Variants in FAM110B observed in about 807,000 individuals in gnomAD.
FAM110B encodes the protein protein FAM110B.
A neutral mutation model predicts 20.4 loss-of-function variants in FAM110B; 6 were observed. That is an observed-to-expected ratio of 0.29 (90% confidence interval 0.16 to 0.58). The LOEUF (loss-of-function observed/expected upper bound fraction) is 0.58. Among genes scored for constraint, FAM110B ranks in the 20% least tolerant of loss-of-function variants. The pLI is 0.90. For synonymous variants in FAM110B, 226 were observed against 214.1 expected (o/e 1.06, Z -0.49); for missense variants, 434 against 498.2 (o/e 0.87, Z 1.23).
intron 3 of FAM110B, among the ~76,000 whole-genome samples, chr8:58,095,172 G>T (rs748034484): frequency 3.3e-5 from 5 of 151,954 alleles, no homozygotes; most frequent in Non-Finnish European, 7.4e-5. Flanking sequence ...TATCTATTTT[G>T]TTGATCTTTC....
chr8:58,080,784 A>T (rs1806169236), intron 3 of FAM110B, among the ~76,000 whole-genome samples: 1 of 152,204 alleles, frequency 6.6e-6, no homozygotes, highest in Non-Finnish European at 1.5e-5. Context: ...AATTCCTCCT[A>T]TTCACCAGGG....
chr8:58,078,875 C>T (rs573676156), intron 3 of FAM110B, among the ~76,000 whole-genome samples: 99 of 152,092 alleles, frequency 6.5e-4, no homozygotes, highest in African/African-American at 2.3e-3. Context: ...TAATATGGTG[C>T]GTGCTAGATA....
chr8:58,009,556 A>C (rs1267002615), intron 1 of FAM110B, among the ~76,000 whole-genome samples: 1 of 152,254 alleles, frequency 6.6e-6, no homozygotes, highest in Non-Finnish European at 1.5e-5. Context: ...TTGAAAGGGT[A>C]ATATTTTGGA....
chr8:58,055,312 T>C (rs2150582702), intron 2 of FAM110B, among the ~76,000 whole-genome samples: 1 of 152,342 alleles, frequency 6.6e-6, no homozygotes, highest in East Asian at 1.9e-4. Flanking sequence ...GACCAGCAGA[T>C]GTGCAGTGCT....
rs1278530076 is a variant in FAM110B, at chr8:58,146,664, C to A, written c.434C>A (p.Pro145Gln). 7 of 1,612,728 alleles carry A rather than the reference C, an allele frequency of 4.3e-6. No homozygotes were observed. Among genetic ancestry groups the A allele is most frequent in the Non-Finnish European group, 5.9e-6 (7 of 1,179,486 alleles). ...CACAAGCACAGCTCCCGCAACTGGC[C>A]GCCCCACCGGTCGGAAGCCACTGAC... The part of the protein sequence containing the change: ...SGHKHSSRNW[P>Q]PHRSEATDLH... Residue 145 changes from proline to glutamine, a missense_variant, in exon 4 of 4, where the codon CCG becomes CAG. Pro to Gln is a moderately conservative substitution (Grantham distance 76). Transcript: ENST00000519262.
chr8:58,017,586 T>G, intron 1 of FAM110B, among the ~76,000 whole-genome samples: 1 of 152,182 alleles, frequency 6.6e-6, no homozygotes, highest in South Asian at 2.1e-4. Context: ...CTTTTCTGTA[T>G]GTGCTGAGGG....
At chr8:58,013,075 G>T (rs527820736) in intron 1 of FAM110B, among the ~76,000 whole-genome samples, 3 of 152,166 alleles carry the variant, frequency 2.0e-5, no homozygotes, top group Non-Finnish European at 4.4e-5. Context: ...CCTGGGAGGG[G>T]CTGTGGAAGG....
At chr8:58,057,441 G>A (rs1443882804) in intron 2 of FAM110B, among the ~76,000 whole-genome samples, 2 of 152,182 alleles carry the variant, frequency 1.3e-5, no homozygotes, top group Non-Finnish European at 2.9e-5. Flanking sequence ...TGGGAAATTA[G>A]ACTGTAATTT....
intron 1 of FAM110B, among the ~76,000 whole-genome samples, chr8:58,010,648 A>G (rs1054663801): frequency 1.3e-5 from 2 of 152,090 alleles, no homozygotes; most frequent in Non-Finnish European, 2.9e-5. Context: ...CTTAAATGAA[A>G]CCATAGTCCC....
intron 2 of FAM110B, among the ~76,000 whole-genome samples, chr8:58,052,763 T>G (rs1805472320): frequency 7.6e-6 from 1 of 132,348 alleles, no homozygotes; most frequent in African/African-American, 2.8e-5. Context: ...GTGGTGAGAG[T>G]GATGGACTCT....
At chr8:57,998,046 T>C (rs941099372) in intron 1 of FAM110B, among the ~76,000 whole-genome samples, 7 of 152,260 alleles carry the variant, frequency 4.6e-5, no homozygotes, top group Non-Finnish European at 1.0e-4. Flanking sequence ...TTGTGTTTCA[T>C]ACCTTCTTTT....
intron 3 of FAM110B, among the ~76,000 whole-genome samples, chr8:58,136,920 CA>C (rs2150639051): frequency 6.6e-6 from 1 of 152,272 alleles, no homozygotes; most frequent in South Asian, 2.1e-4. Flanking sequence ...GTAAAGAATC[CA>C]TCGTGGATTG....
chr8:58,141,141 T>C (rs4738647), intron 3 of FAM110B, among the ~76,000 whole-genome samples: 57,961 of 152,060 alleles, frequency 0.38, 11,312 homozygotes, highest in Non-Finnish European at 0.43. Flanking sequence ...GCCAAGAGTA[T>C]AGATATGAGA....
intron 1 of FAM110B, among the ~76,000 whole-genome samples, chr8:58,026,041 G>A (rs1471019701): frequency 6.6e-6 from 1 of 152,152 alleles, no homozygotes; most frequent in Non-Finnish European, 1.5e-5. Context: ...CCTTCAGCTG[G>A]GCTTTAGAAG....
intron 2 of FAM110B, among the ~76,000 whole-genome samples, chr8:58,061,133 C>T (rs956456317): frequency 2.7e-4 from 41 of 152,128 alleles, no homozygotes; most frequent in African/African-American, 8.7e-4. Context: ...TTCTATTCAA[C>T]GACTATAGAA....
chr8:58,096,356 A>G (rs1187716913), intron 3 of FAM110B, among the ~76,000 whole-genome samples: 1 of 151,976 alleles, frequency 6.6e-6, no homozygotes, highest in Non-Finnish European at 1.5e-5. Context: ...TTGTATTTTT[A>G]GTAGTTACAG....
intron 2 of FAM110B, chr8:58,032,103 C>G (rs879328452): frequency 9.2e-5 from 14 of 152,408 alleles, no homozygotes; most frequent in Non-Finnish European, 1.9e-4. Flanking sequence ...GCCCCACCTT[C>G]ACTATCCCCA....
intron 3 of FAM110B, among the ~76,000 whole-genome samples, chr8:58,126,323 A>G (rs1215726509): frequency 6.6e-6 from 1 of 152,188 alleles, no homozygotes; most frequent in East Asian, 1.9e-4. Context: ...GGTTGCTTCT[A>G]GTTTGGAGCT....
intron 3 of FAM110B, among the ~76,000 whole-genome samples, chr8:58,125,316 C>G (rs1418442782): frequency 6.6e-6 from 1 of 152,136 alleles, no homozygotes; most frequent in Non-Finnish European, 1.5e-5. Context: ...CCAGTGCACT[C>G]CAGCCTGGGT....
Sources: gnomAD v4.1 joint callset for allele counts (sites outside exome capture counted in the v4.1 genomes callset) on GRCh38, gnomAD v4.1.1 for gene constraint, MANE v1.5 for transcripts, NCBI Gene and HGNC (gene_info 2026-07-23, HGNC 2026-07-21) for gene names.